Variants in CHGB observed in about 807,000 individuals in gnomAD.
CHGB encodes the protein secretogranin-1.
A neutral mutation model predicts 69.9 loss-of-function variants in CHGB; 46 were observed. That is an observed-to-expected ratio of 0.66 (90% confidence interval 0.52 to 0.84). The LOEUF (loss-of-function observed/expected upper bound fraction) is 0.84, where lower values mean the gene tolerates loss of function less well. Ranked by LOEUF, CHGB falls within the 40% of genes least tolerant of loss-of-function variation. The pLI, the probability that CHGB is intolerant of heterozygous loss-of-function variation, is 0.00. For synonymous variants in CHGB, 312 were observed against 298.2 expected (o/e 1.05, Z -0.48); for missense variants, 796 against 822.2 (o/e 0.97, Z 0.39).
rs555659720 is a variant in CHGB at position 5,911,777 on chromosome 20, G to C, written c.49+95G>C. 1.6e-4 allele frequency: 197 copies of C among 1,195,610 alleles called. 8 individuals carry two copies. In the South Asian group the frequency reaches 3.0e-3, roughly 18 times the overall value. The allele number at this position is 1,195,610 out of a possible 1,614,324, so 74.1% of individuals were successfully genotyped here. A position where few individuals can be genotyped will look rare whatever the true frequency, so the allele number is the denominator to read the frequency against. The stretch of plus-strand genomic sequence containing the variant: ...AGCCAGGCTGGCGGATCCCGGGAGA[G>C]AGGGAGGGTTGAGGGGAAGGTTTAC... On this transcript the variant is annotated intron_variant, in intron 1 of 4. Transcript: ENST00000378961.
chr20:5,924,225 A>G, intron 4 of CHGB, 125 bp downstream of exon 4: 3 of 1,372,358 alleles, frequency 2.2e-6, no homozygotes, highest in Non-Finnish European at 2.9e-6. Flanking sequence ...ATGGTGCTCT[A>G]GTAATGGAGT....
intron 2 of CHGB, 40 bp downstream of exon 2, chr20:5,916,412 T>C: frequency 3.9e-6 from 6 of 1,531,504 alleles, no homozygotes; most frequent in Non-Finnish European, 5.4e-6. Flanking sequence ...GACTTGTGTC[T>C]AGACTCTAGA....
chr20:5,920,036 T>A (rs2088504314), intron 3 of CHGB, among the ~76,000 whole-genome samples: 1 of 152,244 alleles, frequency 6.6e-6, no homozygotes, highest in Non-Finnish European at 1.5e-5. Flanking sequence ...TTTCCCTGTT[T>A]TCGCTTGAAA....
chr20:5,911,657 C>T lies in CHGB; in HGVS notation c.24C>T (p.Ser8=). 1 of 1,506,192 alleles carries T rather than the reference C, an allele frequency of 6.6e-7. No individual in the cohort carries two copies. Among genetic ancestry groups the T allele is most frequent in the African/African-American group, 1.5e-5 (1 of 68,958 alleles). 93.3% of individuals were successfully genotyped at this position (1,506,192 alleles called of 1,614,324 possible). The part of the protein sequence containing the change: MQPTLLL[S]LLGAVGLAAV... ...CCATGCAGCCAACGCTGCTTCTCAGCCTCCTGGGAGCCGTGGGGCTGGCGG... is the reference window on the plus strand; with the variant it reads ...CCATGCAGCCAACGCTGCTTCTCAGTCTCCTGGGAGCCGTGGGGCTGGCGG... The change falls in exon 1 of 5, where the codon AGC becomes AGT. Residue 8 remains serine (S), a synonymous_variant. Coordinates refer to ENST00000378961, the MANE Select transcript of CHGB (RefSeq NM_001819.3).
chr20:5,921,963 A>C (rs2088516306), intron 3 of CHGB, among the ~76,000 whole-genome samples: 1 of 152,230 alleles, frequency 6.6e-6, no homozygotes, highest in Non-Finnish European at 1.5e-5. Context: ...TACCATGCTG[A>C]GTCTCAATGT....
chr20:5,913,432 T>C (rs868545483), intron 1 of CHGB, among the ~76,000 whole-genome samples: 1 of 152,028 alleles, frequency 6.6e-6, no homozygotes, highest in Non-Finnish European at 1.5e-5. Flanking sequence ...ATTTGCAAAA[T>C]TACAGGGCTG....
At chr20:5,916,747 C>A in intron 2 of CHGB, 79 bp from the exon 3 acceptor site, 1 of 1,335,312 alleles carries the variant, frequency 7.5e-7, no homozygotes, top group Non-Finnish European at 1.1e-6. Context: ...TCAAGTCTTC[C>A]TTGACAGCAG....
chr20:5,921,094 A>G (rs2088511062), intron 3 of CHGB, among the ~76,000 whole-genome samples: 1 of 152,224 alleles, frequency 6.6e-6, no homozygotes, highest in Admixed American at 6.5e-5. Context: ...ATTAATTTCA[A>G]TAATATATTT....
chr20:5,925,140 A>C lies in CHGB; in HGVS notation c.*91A>C, dbSNP rs2122580629. On this transcript the variant is annotated 3_prime_UTR_variant, in exon 5 of 5. Transcript: ENST00000378961. ...CTGAAAGACACCATTTATCTACCCAAGGGCAGAAAGTAGAACTTACTATTC... is the reference window on the plus strand; with the variant it reads ...CTGAAAGACACCATTTATCTACCCACGGGCAGAAAGTAGAACTTACTATTC... 2 of 761,616 alleles carry C rather than the reference A, an allele frequency of 2.6e-6. No homozygotes were observed. The highest frequency in any genetic ancestry group is 2.6e-5 in the East Asian group (1 of 38,336). The allele number at this position is 761,616 out of a possible 1,614,324, so 47.2% of individuals were successfully genotyped here.
chr20:5,911,637 C>T lies in CHGB; in HGVS notation c.4C>T (p.Gln2Ter). The change falls in exon 1 of 5, where the codon CAG becomes TAG. Residue 2 changes from glutamine to a stop codon, truncating the protein, a stop_gained. Transcript: ENST00000378961. LOFTEE classifies it high-confidence loss of function. The part of the protein sequence containing the change: M[Q>*]PTLLLSLLGA... ...ACAGGGGCCGCCGAGCGGGGCCATGCAGCCAACGCTGCTTCTCAGCCTCCT... is the reference window on the plus strand; with the variant it reads ...ACAGGGGCCGCCGAGCGGGGCCATGTAGCCAACGCTGCTTCTCAGCCTCCT... 2.0e-6 allele frequency: 3 copies of T among 1,513,242 alleles called. No individual in the cohort carries two copies. The highest frequency in any genetic ancestry group is 1.4e-5 in the African/African-American group (1 of 69,224). 93.7% of individuals were successfully genotyped at this position (1,513,242 alleles called of 1,614,324 possible).
chr20:5,922,507 G>A lies in CHGB; in HGVS notation c.363G>A (p.Glu121=), dbSNP rs745742066. Residue 121 remains glutamate (E), a synonymous_variant, in exon 4 of 5, where the codon GAG becomes GAA. Transcript: ENST00000378961. ...DIQGPTKADT[E]KWAEGGGHSR... ...AAGGCCCAACAAAGGCAGACACAGA[G>A]AAATGGGCAGAGGGAGGCGGGCACA... 2.9e-5 allele frequency: 47 copies of A among 1,613,102 alleles called. No individual in the cohort carries two copies. The highest frequency in any genetic ancestry group is 3.8e-5 in the Non-Finnish European group (45 of 1,179,466).
chr20:5,913,082 T>G (rs929906948), intron 1 of CHGB, among the ~76,000 whole-genome samples: 5 of 152,216 alleles, frequency 3.3e-5, no homozygotes, highest in African/African-American at 1.2e-4. Flanking sequence ...ACAGTGACAT[T>G]TGTGGGAATG....
chr20:5,911,516 C>T lies in CHGB; in HGVS notation c.-118C>T. Reference sequence around the variant, plus strand: ...GGCCTGCGCCGGCCGCGCCACACCGCGGGGACCAGGAGGCACGCTGGTTTT... The same window carrying T: ...GGCCTGCGCCGGCCGCGCCACACCGTGGGGACCAGGAGGCACGCTGGTTTT... On this transcript the variant is annotated 5_prime_UTR_variant, in exon 1 of 5. Coordinates refer to ENST00000378961, the MANE Select transcript of CHGB (RefSeq NM_001819.3). 1 of 1,110,606 alleles carries T rather than the reference C, an allele frequency of 9.0e-7. No individual in the cohort carries two copies. Among genetic ancestry groups the T allele is most frequent in the Non-Finnish European group, 1.3e-6 (1 of 786,010 alleles). The allele number at this position is 1,110,606 out of a possible 1,614,324, so 68.8% of individuals were successfully genotyped here.
chr20:5,913,628 CTTT>C (rs918275521), intron 1 of CHGB, among the ~76,000 whole-genome samples: 1 of 90,464 alleles, frequency 1.1e-5, no homozygotes. Context: ...CTTTTCTTTT[CTTT>C]TTTTTTTTTT....
rs2088542731 is a variant in CHGB at position 5,925,148 on chromosome 20, A to G, written c.*99A>G. The G allele has an allele frequency of 3.0e-5, 21 of 698,708 alleles. No individual in the cohort carries two copies. The allele number at this position is 698,708 out of a possible 1,614,324, so 43.3% of individuals were successfully genotyped here. On this transcript the variant is annotated 3_prime_UTR_variant, in exon 5 of 5. Coordinates refer to ENST00000378961, the MANE Select transcript of CHGB (RefSeq NM_001819.3). The stretch of plus-strand genomic sequence containing the variant: ...CACCATTTATCTACCCAAGGGCAGA[A>G]AGTAGAACTTACTATTCATTAAATG...
In CHGB at chr20:5,922,622, A is replaced by T. The variant is rs1373333757; in HGVS notation, c.478A>T (p.Ser160Cys). 6.2e-7 allele frequency: 1 copy of T among 1,614,194 alleles called. No individual in the cohort carries two copies. The highest frequency in any genetic ancestry group is 1.7e-5 in the Admixed American group (1 of 60,024). The stretch of plus-strand genomic sequence containing the variant: ...AGTGAAGACACGCCATTCTGAGAAG[A>T]GCCAGAGAGAGGATGAGGAGGAGGA... ...EEVKTRHSEK[S>C]QREDEEEEEG... Residue 160 changes from serine (S) to cysteine (C), a missense_variant, in exon 4 of 5, where the codon AGC becomes TGC. Physicochemically the swap from Ser to Cys is moderately radical, Grantham distance 112. Around this residue, in one of 3 missense-constraint regions of CHGB, gnomAD observed 518 missense variants for 506.3 expected, o/e 1.02. Coordinates refer to ENST00000378961, the MANE Select transcript of CHGB (RefSeq NM_001819.3).
intron 1 of CHGB, chr20:5,915,530 G>A (rs1434561154): frequency 6.6e-6 from 1 of 152,174 alleles, no homozygotes; most frequent in Non-Finnish European, 1.5e-5. Context: ...TCAGGCAAAG[G>A]CCTTGCGGGT....
At chr20:5,924,833 A>G in intron 4 of CHGB, 139 bp from the exon 5 acceptor site, 1 of 557,966 alleles carries the variant, frequency 1.8e-6, no homozygotes, top group Non-Finnish European at 3.2e-6. Flanking sequence ...AGGGGACCAC[A>G]CTTTGAGAGT....
At chr20:5,920,131 G>A (rs2122573603) in intron 3 of CHGB, among the ~76,000 whole-genome samples, 1 of 152,252 alleles carries the variant, frequency 6.6e-6, no homozygotes, top group Non-Finnish European at 1.5e-5. Flanking sequence ...CCACCTGCGG[G>A]GCTTAAAGCT....
Sources: allele counts gnomAD v4.1 joint callset (sites outside exome capture counted in the v4.1 genomes callset), GRCh38; gene constraint gnomAD v4.1.1; regional missense constraint gnomAD v4.1.1; transcripts MANE v1.5; gene names NCBI Gene and HGNC (gene_info 2026-07-23, HGNC 2026-07-21).